SLC43A3: variants seen among roughly 807,000 people sequenced by gnomAD.
SLC43A3 encodes solute carrier family 43 member 3, also known as equilibrative nucleobase transporter 1.
In SLC43A3, 33 loss-of-function variants were observed where a neutral mutation model predicts 53.3. The ratio of observed to expected loss-of-function variants is 0.62; its 90% CI spans 0.47 to 0.83. The LOEUF (loss-of-function observed/expected upper bound fraction) is 0.83, where lower values mean the gene tolerates loss of function less well. Ranked by LOEUF, SLC43A3 falls within the 40% of genes least tolerant of loss-of-function variation. The probability of loss-of-function intolerance (pLI) is 0.00; values close to 1 mark genes in which losing one functional copy is unlikely to be tolerated. For missense variants in SLC43A3, 530 were observed against 610.0 expected (o/e 0.87, Z 1.38); for synonymous variants, 236 against 246.2 (o/e 0.96, Z 0.39).
intron 9 of SLC43A3, chr11:57,415,521 T>C: frequency 1.6e-6 from 1 of 634,836 alleles, no homozygotes; most frequent in South Asian, 1.7e-5. Context: ...TTGATACCAG[T>C]ATCCTGAGTT....
intron 4 of SLC43A3, among the ~76,000 whole-genome samples, chr11:57,425,246 C>T (rs575861968): frequency 1.0e-3 from 152 of 152,320 alleles, no homozygotes; most frequent in African/African-American, 3.4e-3. Context: ...TCCAAGCCAG[C>T]CCTTACAGGA....
Position 57,424,153 on chromosome 11 carries a change from C to T in SLC43A3, c.315-125G>A, listed in dbSNP as rs142866296. On this transcript the variant is annotated intron_variant, in intron 4 of 13. Transcript: ENST00000395124. ...ACCGCACCCTCAGCCTGGGATGCAA[C>T]GGGCACTGATGCCTCTGAGCCCCAG... 6.0e-4 allele frequency: 545 copies of T among 905,574 alleles called. 2 individuals carry two copies. The African/African-American group carries it at 8.1e-3, about 13-fold the overall frequency. 56.1% of individuals were successfully genotyped at this position (905,574 alleles called of 1,614,324 possible). A position where few individuals can be genotyped will look rare whatever the true frequency, so the allele number is the denominator to read the frequency against.
intron 8 of SLC43A3, 121 bp from the exon 9 acceptor site, chr11:57,416,791 C>T: frequency 1.4e-6 from 1 of 725,172 alleles, no homozygotes; most frequent in Non-Finnish European, 2.4e-6. Context: ...ACCTTTTAGC[C>T]ACTCTGATGC....
chr11:57,417,131 C>T (rs1251292631), intron 8 of SLC43A3, among the ~76,000 whole-genome samples: 3 of 152,224 alleles, frequency 2.0e-5, no homozygotes, highest in African/African-American at 7.2e-5. Context: ...CCTTCCTCTA[C>T]TCCTTGTGGC....
At chr11:57,416,453 T>G (rs1384719645) in intron 9 of SLC43A3, 120 bp downstream of exon 9, 1 of 725,734 alleles carries the variant, frequency 1.4e-6, no homozygotes, top group African/African-American at 1.8e-5. Context: ...CTAAGGCCCT[T>G]TTTCTGTCCT....
At position 57,414,936 on chromosome 11, in the gene SLC43A3, G is replaced by T; in HGVS notation, c.940C>A (p.Arg314=). 5.6e-6 allele frequency: 9 copies of T among 1,612,322 alleles called. No homozygotes were observed. Among genetic ancestry groups the T allele is most frequent in the Non-Finnish European group, 7.6e-6 (9 of 1,179,988 alleles). ...LTNMAGGDMA[R]VSTYTNAFAF... ...ACCTCCCAGCCCTACCACATACCTC[G>T]TGCCATGTCCCCACCGGCCATGTTG... is the stretch of plus-strand genomic sequence containing the variant. The change falls in exon 10 of 14, where the codon CGA becomes AGA. Residue 314 remains arginine, a synonymous_variant. Transcript: ENST00000395124.
At chr11:57,409,856 G>T in intron 12 of SLC43A3, 79 bp downstream of exon 12, 1 of 1,387,384 alleles carries the variant, frequency 7.2e-7, no homozygotes. Context: ...GCCCCGCCTT[G>T]CCTCCCAATT....
rs772375538 is a variant in SLC43A3 at position 57,407,908 on chromosome 11, G to C, written c.1372-12C>G. The C allele has an allele frequency of 1.9e-6, 3 of 1,563,858 alleles. No homozygotes were observed. Among genetic ancestry groups the C allele is most frequent in the Non-Finnish European group, 2.6e-6 (3 of 1,134,600 alleles). Reference sequence around the variant, plus strand: ...AACATCACATTCACCTGCAGGGAGAGCAGAAGTGAGGTGAAATCCAGGAAT... The same window carrying C: ...AACATCACATTCACCTGCAGGGAGACCAGAAGTGAGGTGAAATCCAGGAAT... On this transcript the variant is annotated splice_polypyrimidine_tract_variant and intron_variant, in intron 13 of 13. Coordinates refer to ENST00000395124, the MANE Select transcript of SLC43A3 (RefSeq NM_199329.3).
chr11:57,419,092 G>A (rs1942858992), intron 7 of SLC43A3, among the ~76,000 whole-genome samples: 1 of 152,020 alleles, frequency 6.6e-6, no homozygotes, highest in Non-Finnish European at 1.5e-5. Context: ...CGGCAGTAGA[G>A]GAGTCCTCAT....
chr11:57,414,809 C>G (rs1942641544), intron 10 of SLC43A3, 78 bp from the exon 11 acceptor site: 1 of 1,522,106 alleles, frequency 6.6e-7, no homozygotes, highest in Non-Finnish European at 9.1e-7. Flanking sequence ...CCACCTTACC[C>G]TTGTCTGCAT....
chr11:57,415,490 T>C, intron 9 of SLC43A3: 1 of 979,846 alleles, frequency 1.0e-6, no homozygotes, highest in Non-Finnish European at 1.4e-6. Context: ...TCTAACCTGC[T>C]CCTCAGCACC....
intron 7 of SLC43A3, among the ~76,000 whole-genome samples, chr11:57,419,659 G>C (rs1271205120): frequency 6.6e-6 from 1 of 152,086 alleles, no homozygotes. Context: ...TAAGCTGACT[G>C]TGGTGGCACG....
At chr11:57,419,099 T>A (rs1942859624) in intron 7 of SLC43A3, among the ~76,000 whole-genome samples, 1 of 152,012 alleles carries the variant, frequency 6.6e-6, no homozygotes, top group Admixed American at 6.6e-5. Flanking sequence ...AGAGGAGTCC[T>A]CATACGACCC....
chr11:57,424,720 A>C (rs533219012), intron 4 of SLC43A3, among the ~76,000 whole-genome samples: 1 of 152,192 alleles, frequency 6.6e-6, no homozygotes, highest in Non-Finnish European at 1.5e-5. Flanking sequence ...ACTGAGGTAC[A>C]GTCATTCTGC....
At position 57,419,862 on chromosome 11, in the gene SLC43A3, G is replaced by A. The variant is rs185402704; in HGVS notation, c.531+1110C>T. On this transcript the variant is annotated intron_variant, in intron 7 of 13. Transcript: ENST00000395124. ...AGGCAGCCATCTGGGTTCTCCAGGGGAAGGAGGGAGAACCCAGAAAGTGAC... is the reference window on the plus strand; with the variant it reads ...AGGCAGCCATCTGGGTTCTCCAGGGAAAGGAGGGAGAACCCAGAAAGTGAC... 5.9e-5 allele frequency among the ~76,000 whole-genome samples: 9 copies of A among 152,086 alleles called. No homozygotes were observed. The East Asian group carries it at 1.7e-3, about 29-fold the overall frequency.
intron 9 of SLC43A3, chr11:57,415,367 A>C: frequency 6.8e-7 from 1 of 1,466,694 alleles, no homozygotes; most frequent in South Asian, 1.2e-5. Flanking sequence ...AGCCTGGTCA[A>C]TGACACTTCT....
chr11:57,414,868 G>A (rs1590688883), intron 10 of SLC43A3, 65 bp downstream of exon 10: 4 of 1,586,870 alleles, frequency 2.5e-6, no homozygotes, highest in African/African-American at 1.3e-5. Flanking sequence ...GTACAGCCCT[G>A]CTGGGAGGCT....
At chr11:57,418,157 C>A (rs1942809500) in intron 7 of SLC43A3, among the ~76,000 whole-genome samples, 1 of 152,116 alleles carries the variant, frequency 6.6e-6, no homozygotes, top group African/African-American at 2.4e-5. Context: ...GTGAGACCCT[C>A]ACCCCTTCTC....
Position 57,410,021 on chromosome 11 carries a change from G to A in SLC43A3, c.1161C>T (p.Ile387=). 6.2e-7 allele frequency: 1 copy of A among 1,613,352 alleles called. No homozygotes were observed. The highest frequency in any genetic ancestry group is 1.3e-5 in the African/African-American group (1 of 75,062). ...LGFALCASVP[I]LPLQYLTFIL... is the part of the protein sequence containing the mutation. Reference sequence around the variant, plus strand: ...TGAAGGTGAGGTACTGGAGAGGGAGGATGGGGACTGAGGCACAGAGGGCGA... The same window carrying A: ...TGAAGGTGAGGTACTGGAGAGGGAGAATGGGGACTGAGGCACAGAGGGCGA... Residue 387 remains isoleucine, a synonymous_variant, in exon 12 of 14, where the codon ATC becomes ATT. Transcript: ENST00000395124.
Sources: gnomAD v4.1 joint callset for allele counts (sites outside exome capture counted in the v4.1 genomes callset) on GRCh38, gnomAD v4.1.1 for gene constraint, MANE v1.5 for transcripts, NCBI Gene and HGNC (gene_info 2026-07-23, HGNC 2026-07-21) for gene names.